Variants in DCC observed in about 807,000 individuals in gnomAD.
DCC encodes netrin receptor DCC.
DCC carries 58 observed loss-of-function variants against 172.5 expected under a neutral mutation model. That is an observed-to-expected ratio of 0.34 (90% CI 0.27 to 0.42). The LOEUF is 0.42. Among genes scored for constraint, DCC ranks in the 10% least tolerant of loss-of-function variants. DCC has a pLI of 1.00. For synonymous variants in DCC, 709 were observed against 644.5 expected, an observed-to-expected ratio of 1.10 and a Z score of -1.52; for missense variants, 1,740 against 1,791.0, an observed-to-expected ratio of 0.97 and a Z score of 0.51.
rs2034241287 is a variant in DCC, at chr18:52,610,181, ATATATATATATATAT to A, written c.92-141872_92-141858del. On this transcript the variant is annotated intron_variant, in intron 1 of 28. Transcript: ENST00000442544. ...AAAAAAAAAAAAAAAAAAAAAAAATATATATATATATATATATATATATATATATATATATATATA... is the reference window on the plus strand; with the variant it reads ...AAAAAAAAAAAAAAAAAAAAAAAATAATATATATATATATATATATATATA... 5.7e-3 allele frequency among the ~76,000 whole-genome samples: 56 copies of A among 9,898 alleles called. 2 individuals carry two copies. Among genetic ancestry groups the A allele is most frequent in the Non-Finnish European group, 8.0e-3 (50 of 6,246 alleles). The allele number at this position is 9,898 out of a possible 152,430, so 6.5% of individuals were successfully genotyped here.
intron 2 of DCC, among the ~76,000 whole-genome samples, chr18:52,880,176 G>T (rs572449406): frequency 6.6e-6 from 1 of 151,878 alleles, no homozygotes; most frequent in African/African-American, 2.4e-5. Context: ...CTGTCACCCA[G>T]GCTGGAGTGC....
chr18:53,114,216 C>T (rs1279948222), intron 7 of DCC, among the ~76,000 whole-genome samples: 1 of 151,236 alleles, frequency 6.6e-6, no homozygotes, highest in Admixed American at 6.6e-5. Context: ...CCTGGCAGTG[C>T]TTTATTTCTA....
rs180996753 is a variant in DCC at position 52,997,804 on chromosome 18, A to G, written c.986-65501A>G. 4.1e-4 allele frequency among the ~76,000 whole-genome samples: 63 copies of G among 152,194 alleles called. No homozygotes were observed. In the East Asian group the frequency reaches 0.01, roughly 24 times the overall value. ...GAGTATTCGCAGTTTTTTGTTTTCA[A>G]TAGGTTCATTTGCTCCTGTGTGTCT... On this transcript the variant is annotated intron_variant, in intron 5 of 28. Transcript: ENST00000442544.
chr18:52,786,287 C>T (rs371682193), intron 2 of DCC, among the ~76,000 whole-genome samples: 18 of 152,166 alleles, frequency 1.2e-4, no homozygotes, highest in African/African-American at 4.1e-4. Context: ...TTGTGTTACC[C>T]ATCCCTTTTT....
chr18:53,448,692 T>C (rs1053826919), intron 22 of DCC, among the ~76,000 whole-genome samples: 1 of 152,168 alleles, frequency 6.6e-6, no homozygotes, highest in Admixed American at 6.5e-5. Context: ...AACCCGTCTC[T>C]ACTAAAAATA....
intron 5 of DCC, among the ~76,000 whole-genome samples, chr18:53,048,857 CT>C: frequency 6.6e-6 from 1 of 151,802 alleles, no homozygotes; most frequent in South Asian, 2.1e-4. Context: ...TATTTTTTGA[CT>C]TTTTAATAAT....
intron 1 of DCC, among the ~76,000 whole-genome samples, chr18:52,732,530 T>C (rs7234904): frequency 0.56 from 85,554 of 151,998 alleles, 24,682 homozygotes; most frequent in African/African-American, 0.68. Context: ...TGGTCATGCC[T>C]GTTTCTTTTC....
intron 27 of DCC, among the ~76,000 whole-genome samples, chr18:53,526,346 C>T (rs527368956): frequency 2.0e-5 from 3 of 152,118 alleles, no homozygotes; most frequent in Admixed American, 6.5e-5. Context: ...CAGTCCAGAG[C>T]TCCCAGGCAA....
chr18:53,301,216 A>T (rs1220333035), intron 12 of DCC, among the ~76,000 whole-genome samples: 4 of 151,246 alleles, frequency 2.6e-5, no homozygotes, highest in Non-Finnish European at 5.9e-5. Context: ...CAGCCTCCCA[A>T]GTAGGTGGGA....
intron 25 of DCC, among the ~76,000 whole-genome samples, chr18:53,477,587 ATTG>A (rs1408568785): frequency 6.6e-6 from 1 of 152,146 alleles, no homozygotes; most frequent in East Asian, 1.9e-4. Flanking sequence ...TTCCTATAAG[ATTG>A]TTATTTTCTT....
rs1262492355 is a variant in DCC, at chr18:53,011,161, C to T, written c.986-52144C>T. ...ACAAGAGTATGTAAATAATAATGAA[C>T]GTGATAATGTTGGTTGTAAGATATT... On this transcript the variant is annotated intron_variant, in intron 5 of 28. Coordinates refer to ENST00000442544, the MANE Select transcript of DCC (RefSeq NM_005215.4). Among the ~76,000 whole-genome samples the T allele has an allele frequency of 5.3e-5, 8 of 151,456 alleles. No homozygotes were observed. In the East Asian group the frequency reaches 9.7e-4, roughly 18 times the overall value.
At chr18:53,507,607 C>G (rs1394262957) in intron 27 of DCC, among the ~76,000 whole-genome samples, 1 of 152,080 alleles carries the variant, frequency 6.6e-6, no homozygotes, top group East Asian at 1.9e-4. Context: ...GAGGAGAATG[C>G]CTTTATCTTC....
At chr18:52,962,697 A>G (rs940406871) in intron 5 of DCC, among the ~76,000 whole-genome samples, 1 of 151,802 alleles carries the variant, frequency 6.6e-6, no homozygotes, top group Non-Finnish European at 1.5e-5. Flanking sequence ...AAAGACTTGG[A>G]ACCAACCCAA....
chr18:52,658,571 C>G (rs1224748263), intron 1 of DCC, among the ~76,000 whole-genome samples: 1 of 150,742 alleles, frequency 6.6e-6, no homozygotes, highest in Admixed American at 6.6e-5. Flanking sequence ...TAGTTCTACA[C>G]TATTCCAATA....
At chr18:52,707,807 G>T (rs2145048589) in intron 1 of DCC, among the ~76,000 whole-genome samples, 1 of 152,252 alleles carries the variant, frequency 6.6e-6, no homozygotes, top group African/African-American at 2.4e-5. Flanking sequence ...AATCAAAAAA[G>T]ACAAACTCAT....
At chr18:52,585,812 G>C (rs553626826) in intron 1 of DCC, among the ~76,000 whole-genome samples, 1 of 152,122 alleles carries the variant, frequency 6.6e-6, no homozygotes, top group Admixed American at 6.6e-5. Context: ...GGCCGGGCGC[G>C]GTGGCTCACG....
intron 1 of DCC, among the ~76,000 whole-genome samples, chr18:52,588,723 G>C (rs1051721223): frequency 7.1e-6 from 1 of 140,602 alleles, no homozygotes; most frequent in African/African-American, 2.5e-5. Flanking sequence ...GAAGGAATAT[G>C]CCTGTATAAA....
chr18:52,966,567 G>A (rs2040934209), intron 5 of DCC, among the ~76,000 whole-genome samples: 1 of 152,122 alleles, frequency 6.6e-6, no homozygotes, highest in African/African-American at 2.4e-5. Context: ...GGCACCAACA[G>A]GAGAAAATAG....
intron 2 of DCC, among the ~76,000 whole-genome samples, chr18:52,838,531 C>T (rs539324650): frequency 5.9e-5 from 9 of 152,142 alleles, no homozygotes; most frequent in African/African-American, 2.2e-4. Context: ...AAAAAGAAAA[C>T]TTAATTTTTA....
Sources: gnomAD v4.1 joint callset for allele counts (sites outside exome capture counted in the v4.1 genomes callset) on GRCh38, gnomAD v4.1.1 for gene constraint, MANE v1.5 for transcripts, NCBI Gene and HGNC (gene_info 2026-07-23, HGNC 2026-07-21) for gene names.